ADAM17: variants seen among roughly 807,000 people sequenced by gnomAD.
ADAM17 encodes disintegrin and metalloproteinase domain-containing protein 17.
Under a neutral mutation model 96.7 loss-of-function variants are expected in ADAM17, and 39 were observed. The ratio of observed to expected loss-of-function variants is 0.40; its 90% CI spans 0.31 to 0.53. The LOEUF is 0.53. Ranked by LOEUF, ADAM17 falls within the 20% of genes least tolerant of loss-of-function variation. The probability of loss-of-function intolerance (pLI) is 0.44; values close to 1 mark genes in which losing one functional copy is unlikely to be tolerated. For synonymous variants in ADAM17, 344 were observed against 359.2 expected (o/e 0.96, Z 0.48); for missense variants, 777 against 1,013.2 (o/e 0.77, Z 3.17).
chr2:9,544,196 T>C lies in ADAM17; in HGVS notation c.98-911A>G, dbSNP rs116797501. Among the ~76,000 whole-genome samples, 420 of 152,220 alleles carry C rather than the reference T, an allele frequency of 2.8e-3. 1 individual carries two copies. Among genetic ancestry groups the C allele is most frequent in the African/African-American group, 6.6e-3 (275 of 41,524 alleles). On this transcript the variant is annotated intron_variant, in intron 1 of 18. Coordinates refer to ENST00000310823, the MANE Select transcript of ADAM17 (RefSeq NM_003183.6). ...TAGGCCTTTACCTTCCAGAGGAATATGGAAATCTGACAATCTCTAATGAAA... is the reference window on the plus strand; with the variant it reads ...TAGGCCTTTACCTTCCAGAGGAATACGGAAATCTGACAATCTCTAATGAAA...
At chr2:9,512,778 C>T (rs1354938152) in intron 10 of ADAM17, among the ~76,000 whole-genome samples, 2 of 152,088 alleles carry the variant, frequency 1.3e-5, no homozygotes, top group African/African-American at 4.8e-5. Context: ...AGTTGTCATT[C>T]GTGCTTATGT....
chr2:9,550,534 C>T (rs1665556157), intron 1 of ADAM17, among the ~76,000 whole-genome samples: 2 of 149,974 alleles, frequency 1.3e-5, no homozygotes, highest in South Asian at 4.2e-4. Flanking sequence ...CAACCTCTGC[C>T]TCCCGGGTTC....
intron 12 of ADAM17, among the ~76,000 whole-genome samples, chr2:9,504,653 T>A (rs911027828): frequency 2.7e-5 from 4 of 148,612 alleles, no homozygotes; most frequent in Non-Finnish European, 5.9e-5. Context: ...GTCCCACTAC[T>A]CAGGAGGCTA....
Position 9,490,214 on chromosome 2 carries a change from C to T in ADAM17, c.2438G>A (p.Arg813His), listed in dbSNP as rs760757602. The T allele has an allele frequency of 3.9e-5, 63 of 1,600,226 alleles. No homozygotes were observed. Among genetic ancestry groups the T allele is most frequent in the Admixed American group, 5.0e-5 (3 of 59,804 alleles). ...SEKAASFKLQ[R>H]QNRVDSKETE... Reference sequence around the variant, plus strand: ...TTCTTTGCTGTCAACACGATTCTGACGCTGCAGTTTAAAGGAGGCAGCCTT... The same window carrying T: ...TTCTTTGCTGTCAACACGATTCTGATGCTGCAGTTTAAAGGAGGCAGCCTT... Residue 813 changes from arginine (R) to histidine (H), a missense_variant, in exon 19 of 19, where the codon CGT (arginine) becomes CAT (histidine). Coordinates refer to ENST00000310823, the MANE Select transcript of ADAM17 (RefSeq NM_003183.6).
At chr2:9,528,582 G>T (rs764609354) in intron 4 of ADAM17, among the ~76,000 whole-genome samples, 2 of 152,176 alleles carry the variant, frequency 1.3e-5, no homozygotes, top group Non-Finnish European at 2.9e-5. Context: ...ATACTCCAAA[G>T]GTTACCCAAG....
At position 9,493,752 on chromosome 2, in the gene ADAM17, G is replaced by C; in HGVS notation, c.1988C>G (p.Thr663Ser). ...WDFIDQLSIN[T>S]FGKFLADNIV... The stretch of plus-strand genomic sequence containing the variant: ...AATCTGGGGAAATCACCTACCAAAA[G>C]TATTGATGCTCAGCTGGTCAATGAA... The change falls in exon 16 of 19, where the codon ACT becomes AGT. Residue 663 changes from threonine to serine, a missense_variant. By Grantham distance (58) the Thr-to-Ser change is moderately conservative (BLOSUM62 1). Transcript: ENST00000310823. 1 of 1,613,420 alleles carries C rather than the reference G, an allele frequency of 6.2e-7. No individual in the cohort carries two copies. The highest frequency in any genetic ancestry group is 8.5e-7 in the Non-Finnish European group (1 of 1,179,514).
intron 1 of ADAM17, among the ~76,000 whole-genome samples, chr2:9,545,056 C>G (rs947959671): frequency 6.6e-6 from 1 of 152,190 alleles, no homozygotes; most frequent in African/African-American, 2.4e-5. Flanking sequence ...GACTTAGGAA[C>G]TTAACCTCAA....
At chr2:9,555,476 C>A (rs774112757) in intron 1 of ADAM17, 33 bp downstream of exon 1, 7 of 1,522,188 alleles carry the variant, frequency 4.6e-6, no homozygotes, top group African/African-American at 1.4e-5. Context: ...GCGCTCCAGG[C>A]GCCGGCCTAA....
Position 9,555,595 on chromosome 2 carries a change from G to A in ADAM17, c.11C>T (p.Ser4Phe). The A allele has an allele frequency of 1.9e-6, 3 of 1,584,384 alleles. No homozygotes were observed. The highest frequency in any genetic ancestry group is 2.7e-5 in the African/African-American group (2 of 74,396). The change falls in exon 1 of 19, where the codon TCT becomes TTT. Residue 4 changes from serine to phenylalanine, a missense_variant. Physicochemically the swap from Ser to Phe is radical, Grantham distance 155. This residue lies in a region of ADAM17 where 134 missense variants were observed against 129.1 expected (regional missense o/e 1.04). Coordinates refer to ENST00000310823, the MANE Select transcript of ADAM17 (RefSeq NM_003183.6). MRQ[S>F]LLFLTSVVPF... Reference sequence around the variant, plus strand: ...AACCACGCTGGTCAGGAATAGGAGAGACTGCCTCATGTTCCCGGCCCCGCT... The same window carrying A: ...AACCACGCTGGTCAGGAATAGGAGAAACTGCCTCATGTTCCCGGCCCCGCT...
chr2:9,531,607 C>T lies in ADAM17; in HGVS notation c.451-3653G>A, dbSNP rs928816679. Among the ~76,000 whole-genome samples, 6 of 152,056 alleles carry T rather than the reference C, an allele frequency of 3.9e-5. No individual in the cohort carries two copies. The East Asian group carries it at 9.7e-4, about 24-fold the overall frequency. On this transcript the variant is annotated intron_variant, in intron 4 of 18. Coordinates refer to ENST00000310823, the MANE Select transcript of ADAM17 (RefSeq NM_003183.6). ...ATCCCAGCTACTTGGGAGGCTGAGG[C>T]AGGAGAAATGCTTGAACCTGGGAGG...
rs181123889 is a variant in ADAM17, at chr2:9,490,664, T to C, written c.2134-146A>G. On this transcript the variant is annotated intron_variant, in intron 18 of 18. Transcript: ENST00000310823. ...AGTGCTAGGTGAGGCTCACTCAACCTAAGTGACTAAAAAATACTAGGTTGG... is the reference window on the plus strand; with the variant it reads ...AGTGCTAGGTGAGGCTCACTCAACCCAAGTGACTAAAAAATACTAGGTTGG... 4 of 830,180 alleles carry C rather than the reference T, an allele frequency of 4.8e-6. No individual in the cohort carries two copies. The East Asian group carries it at 1.1e-4, about 22-fold the overall frequency. 51.4% of individuals were successfully genotyped at this position (830,180 alleles called of 1,614,324 possible).
chr2:9,503,137 CAAAA>C (rs750548968), intron 12 of ADAM17, among the ~76,000 whole-genome samples: 6 of 74,204 alleles, frequency 8.1e-5, no homozygotes, highest in African/African-American at 1.9e-4. Context: ...GAGACTCTCT[CAAAA>C]AAAAAAAAAA....
At chr2:9,506,847 G>C (rs556489012) in intron 11 of ADAM17, 1 of 152,276 alleles carries the variant, frequency 6.6e-6, no homozygotes, top group Admixed American at 6.5e-5. Flanking sequence ...TGATTTGTCA[G>C]AGTTACAACT....
intron 10 of ADAM17, among the ~76,000 whole-genome samples, chr2:9,513,395 G>A (rs996245541): frequency 1.3e-5 from 2 of 152,190 alleles, no homozygotes; most frequent in African/African-American, 4.8e-5. Context: ...CAGACCCAAA[G>A]AGGAGAATGT....
intron 17 of ADAM17, 57 bp downstream of exon 17, chr2:9,492,841 T>C: frequency 1.4e-6 from 2 of 1,444,968 alleles, no homozygotes; most frequent in South Asian, 2.6e-5. Flanking sequence ...GATTACATGG[T>C]TGGAGTTGAT....
rs1372871330 is a variant in ADAM17, at chr2:9,502,339, G to A, written c.1545-63C>T. The A allele has an allele frequency of 8.5e-6, 12 of 1,408,796 alleles. No individual in the cohort carries two copies. In the East Asian group the frequency reaches 1.8e-4, roughly 21 times the overall value. The allele number at this position is 1,408,796 out of a possible 1,614,324, so 87.3% of individuals were successfully genotyped here. On this transcript the variant is annotated intron_variant, in intron 12 of 18. Transcript: ENST00000310823. ...ATTATGGCCCCATATCAAATCAAAC[G>A]CTACAGTTACGTTACAGTGACCTGA...
chr2:9,524,665 ACT>A (rs945871859), intron 6 of ADAM17, among the ~76,000 whole-genome samples: 1 of 152,170 alleles, frequency 6.6e-6, no homozygotes, highest in Non-Finnish European at 1.5e-5. Context: ...GTGGCAGACA[ACT>A]GCCAACCCTA....
chr2:9,542,829 C>T (rs952031684), intron 2 of ADAM17, among the ~76,000 whole-genome samples: 2 of 152,150 alleles, frequency 1.3e-5, no homozygotes, highest in African/African-American at 4.8e-5. Context: ...TCCCAAGTAG[C>T]TGGGATTACA....
At chr2:9,545,980 C>T (rs1665391612) in intron 1 of ADAM17, among the ~76,000 whole-genome samples, 1 of 151,634 alleles carries the variant, frequency 6.6e-6, no homozygotes, top group South Asian at 2.1e-4. Flanking sequence ...TGCTTGTAGT[C>T]TCAGCTACTC....
Sources: allele counts gnomAD v4.1 joint callset (sites outside exome capture counted in the v4.1 genomes callset), GRCh38; gene constraint gnomAD v4.1.1; regional missense constraint gnomAD v4.1.1; transcripts MANE v1.5; gene names NCBI Gene and HGNC (gene_info 2026-07-23, HGNC 2026-07-21).